The following ELAPOR2 variants were observed in gnomAD, a reference collection of about 807,000 sequenced individuals.
ELAPOR2 encodes the protein endosome-lysosome associated apoptosis and autophagy regulator family member 2.
Under a neutral mutation model 120.7 loss-of-function variants are expected in ELAPOR2, and 89 were observed. That is an observed-to-expected ratio of 0.74 (90% CI 0.62 to 0.88). The LOEUF (loss-of-function observed/expected upper bound fraction) is 0.88. Ranked by LOEUF, ELAPOR2 falls within the 40% of genes least tolerant of loss-of-function variation. ELAPOR2 has a pLI of 0.00. For synonymous variants in ELAPOR2, 444 were observed against 444.9 expected (o/e 1.00, Z 0.03); for missense variants, 1,134 against 1,251.6 (o/e 0.91, Z 1.42).
chr7:86,972,295 T>G (rs761298048), intron 1 of ELAPOR2, among the ~76,000 whole-genome samples: 10 of 152,140 alleles, frequency 6.6e-5, no homozygotes, highest in Non-Finnish European at 1.5e-4. Context: ...GTGTCAATCC[T>G]TCATTTGCAC....
At chr7:86,945,831 T>C (rs1219599954) in intron 3 of ELAPOR2, among the ~76,000 whole-genome samples, 4 of 152,068 alleles carry the variant, frequency 2.6e-5, no homozygotes, top group Admixed American at 2.6e-4. Context: ...AATTTTAAAC[T>C]TCTGCTTATC....
At chr7:86,975,005 C>T (rs562251767) in intron 1 of ELAPOR2, among the ~76,000 whole-genome samples, 1 of 152,224 alleles carries the variant, frequency 6.6e-6, no homozygotes, top group East Asian at 1.9e-4. Flanking sequence ...CGCTTAAGTA[C>T]TTTCGAAATG....
Position 86,909,779 on chromosome 7 carries a change from T to C in ELAPOR2, c.2359+33A>G, listed in dbSNP as rs113852307. The stretch of plus-strand genomic sequence containing the variant: ...TCATAGCATAATTTAAGAATAAATG[T>C]ATGCATGCATATATGAACCAAAGGA... On this transcript the variant is annotated intron_variant, in intron 16 of 21. Transcript: ENST00000450689. The C allele has an allele frequency of 3.1e-5, 46 of 1,499,184 alleles. 2 individuals are homozygous for C. Among genetic ancestry groups the C allele is most frequent in the African/African-American group, 1.8e-4 (13 of 71,400 alleles). The allele number at this position is 1,499,184 out of a possible 1,614,324, so 92.9% of individuals were successfully genotyped here.
chr7:87,053,219 C>T (rs779899668), intron 1 of ELAPOR2, among the ~76,000 whole-genome samples: 10 of 152,156 alleles, frequency 6.6e-5, no homozygotes, highest in Non-Finnish European at 1.5e-4. Flanking sequence ...AAACTATTCA[C>T]TTACTATATT....
chr7:86,887,645 G>T (rs1799753990), intron 21 of ELAPOR2, among the ~76,000 whole-genome samples: 1 of 152,048 alleles, frequency 6.6e-6, no homozygotes, highest in East Asian at 1.9e-4. Context: ...GAGAGTAGAG[G>T]TATTCAGCGG....
chr7:87,020,160 T>C lies in ELAPOR2; in HGVS notation c.189+39165A>G, dbSNP rs1213253017. 3.9e-5 allele frequency among the ~76,000 whole-genome samples: 6 copies of C among 152,256 alleles called. No individual in the cohort carries two copies. In the East Asian group the frequency reaches 1.2e-3, roughly 29 times the overall value. On this transcript the variant is annotated intron_variant, in intron 1 of 21. Transcript: ENST00000450689. Reference sequence around the variant, plus strand: ...AGCTATGGGTTTTAATACATATATATGCACTTACATACACACATATGTATA... The same window carrying C: ...AGCTATGGGTTTTAATACATATATACGCACTTACATACACACATATGTATA...
intron 5 of ELAPOR2, 40 bp downstream of exon 5, chr7:86,941,978 G>A (rs1302306765): frequency 1.6e-6 from 2 of 1,267,944 alleles, no homozygotes; most frequent in South Asian, 2.6e-5. Flanking sequence ...AAAGAAGAAG[G>A]AAAAATTGGC....
chr7:86,974,909 T>A (rs1792229728), intron 1 of ELAPOR2, among the ~76,000 whole-genome samples: 1 of 152,182 alleles, frequency 6.6e-6, no homozygotes. Flanking sequence ...CTTTCCCTGA[T>A]GGGTGACATT....
intron 2 of ELAPOR2, among the ~76,000 whole-genome samples, chr7:86,960,744 C>T (rs1035869132): frequency 6.6e-5 from 10 of 152,064 alleles, no homozygotes; most frequent in South Asian, 2.1e-4. Flanking sequence ...GTTGAGTTGA[C>T]CCTTTTATCA....
intron 1 of ELAPOR2, among the ~76,000 whole-genome samples, chr7:86,998,550 G>A (rs1793201846): frequency 6.6e-6 from 1 of 152,132 alleles, no homozygotes; most frequent in South Asian, 2.1e-4. Context: ...TTTGTTGTAG[G>A]AGGGTTGCTC....
chr7:87,039,195 C>G (rs1284406282), intron 1 of ELAPOR2, among the ~76,000 whole-genome samples: 1 of 152,084 alleles, frequency 6.6e-6, no homozygotes, highest in African/African-American at 2.4e-5. Context: ...CTCATACAAC[C>G]TACCGAGACT....
chr7:86,909,685 G>C, intron 16 of ELAPOR2, 127 bp downstream of exon 16: 1 of 775,170 alleles, frequency 1.3e-6, no homozygotes, highest in Non-Finnish European at 2.0e-6. Context: ...ATCTTACAAA[G>C]TGACAATTTA....
intron 1 of ELAPOR2, among the ~76,000 whole-genome samples, chr7:87,029,732 A>T (rs1322479233): frequency 6.6e-6 from 1 of 152,210 alleles, no homozygotes; most frequent in Non-Finnish European, 1.5e-5. Context: ...ATGTTTACAG[A>T]AAAATAATGA....
At chr7:86,923,429 C>T (rs112732377) in intron 10 of ELAPOR2, among the ~76,000 whole-genome samples, 4 of 151,940 alleles carry the variant, frequency 2.6e-5, no homozygotes, top group Non-Finnish European at 5.9e-5. Flanking sequence ...TAAAAAACCA[C>T]TAAAAATCCT....
At chr7:87,036,822 T>C (rs1300441109) in intron 1 of ELAPOR2, among the ~76,000 whole-genome samples, 1 of 152,182 alleles carries the variant, frequency 6.6e-6, no homozygotes, top group Non-Finnish European at 1.5e-5. Context: ...TGAAAAACTG[T>C]TGGGTACTAT....
intron 2 of ELAPOR2, among the ~76,000 whole-genome samples, chr7:86,951,635 A>G (rs1037733131): frequency 2.6e-5 from 4 of 152,248 alleles, no homozygotes; most frequent in African/African-American, 9.6e-5. Context: ...TGTTATTCGC[A>G]GTAGTTGTGT....
intron 2 of ELAPOR2, among the ~76,000 whole-genome samples, chr7:86,949,583 G>A (rs1791152761): frequency 6.6e-6 from 1 of 152,150 alleles, no homozygotes; most frequent in South Asian, 2.1e-4. Context: ...CTGTGGACCA[G>A]GGCATCTTGG....
chr7:87,012,217 C>T lies in ELAPOR2; in HGVS notation c.189+47108G>A, dbSNP rs187864033. Among the ~76,000 whole-genome samples the T allele has an allele frequency of 1.4e-3, 216 of 152,292 alleles. 1 individual carries two copies. The highest frequency in any genetic ancestry group is 4.1e-3 in the African/African-American group (171 of 41,566). On this transcript the variant is annotated intron_variant, in intron 1 of 21. Coordinates refer to ENST00000450689, the MANE Select transcript of ELAPOR2 (RefSeq NM_001142749.3). ...ACAAGGTCAGGAGATTGAGACCATC[C>T]TGGCCAACATGGTGAAACCCTGTCT...
intron 5 of ELAPOR2, 113 bp from the exon 6 acceptor site, chr7:86,940,228 C>CATTTAAG: frequency 1.9e-6 from 1 of 531,818 alleles, no homozygotes; most frequent in Middle Eastern, 4.2e-4. Flanking sequence ...ATTTAAAACC[C>CATTTAAG]ACAGATTTAA....
Sources: allele counts gnomAD v4.1 joint callset (sites outside exome capture counted in the v4.1 genomes callset), GRCh38; gene constraint gnomAD v4.1.1; transcripts MANE v1.5; gene names NCBI Gene and HGNC (gene_info 2026-07-23, HGNC 2026-07-21).